The following CRIM1 variants were observed in gnomAD, a reference collection of about 807,000 sequenced individuals.
CRIM1 encodes cysteine rich transmembrane BMP regulator 1, also known as cysteine-rich motor neuron 1 protein.
In CRIM1, 32 loss-of-function variants were observed where a neutral mutation model predicts 116.4. The ratio of observed to expected loss-of-function variants is 0.27; its 90% confidence interval spans 0.21 to 0.37. The LOEUF is 0.37. CRIM1 is among the 10% of genes least tolerant of loss of function. The probability of loss-of-function intolerance (pLI) is 1.00; values close to 1 mark genes in which losing one functional copy is unlikely to be tolerated. For synonymous variants in CRIM1, 590 were observed against 509.2 expected, an observed-to-expected ratio of 1.16 and a Z score of -2.13; for missense variants, 1,331 against 1,354.8, an observed-to-expected ratio of 0.98 and a Z score of 0.28.
At chr2:36,509,519 A>G (rs1381122762) in intron 8 of CRIM1, among the ~76,000 whole-genome samples, 5 of 152,178 alleles carry the variant, frequency 3.3e-5, no homozygotes, top group Non-Finnish European at 5.9e-5. Flanking sequence ...AGAGCGAGAG[A>G]TTCTGTCTCC....
At chr2:36,367,697 G>T (rs1669689850) in intron 1 of CRIM1, among the ~76,000 whole-genome samples, 1 of 152,220 alleles carries the variant, frequency 6.6e-6, no homozygotes, top group African/African-American at 2.4e-5. Context: ...GCTGTAGACA[G>T]AAGGGCTTAG....
intron 1 of CRIM1, among the ~76,000 whole-genome samples, chr2:36,368,819 T>G (rs988087157): frequency 5.3e-5 from 8 of 152,216 alleles, no homozygotes; most frequent in African/African-American, 1.9e-4. Flanking sequence ...CTGTAATACT[T>G]TTTGCTTTTT....
intron 13 of CRIM1, among the ~76,000 whole-genome samples, chr2:36,535,967 G>A (rs1262363438): frequency 1.3e-5 from 2 of 152,200 alleles, no homozygotes; most frequent in Admixed American, 1.3e-4. Context: ...CTTGGCACAT[G>A]AGCGTCTTTG....
intron 2 of CRIM1, among the ~76,000 whole-genome samples, chr2:36,424,851 A>G (rs1300276076): frequency 1.3e-5 from 2 of 152,146 alleles, no homozygotes; most frequent in African/African-American, 4.8e-5. Flanking sequence ...AAATTATCAT[A>G]TGTACCCACC....
chr2:36,471,997 A>G (rs987788481), intron 5 of CRIM1, among the ~76,000 whole-genome samples: 4 of 152,210 alleles, frequency 2.6e-5, no homozygotes, highest in Non-Finnish European at 4.4e-5. Flanking sequence ...AGGCAGTAGC[A>G]TGTACTAATA....
In CRIM1 at chr2:36,524,113, G is replaced by A. The variant is rs534207770; in HGVS notation, c.2428+1800G>A. ...ACGATGCTTTTGAGAGTGAAAAGGG[G>A]GCTGTTAATAATTCTGATGGGACAA... is the stretch of plus-strand genomic sequence containing the variant. On this transcript the variant is annotated intron_variant, in intron 13 of 16. Transcript: ENST00000280527. Among the ~76,000 whole-genome samples the A allele has an allele frequency of 5.9e-5, 9 of 152,246 alleles. No homozygotes were observed. In the East Asian group the frequency reaches 9.6e-4, roughly 16 times the overall value.
intron 7 of CRIM1, among the ~76,000 whole-genome samples, chr2:36,496,896 T>C (rs1460341649): frequency 6.6e-6 from 1 of 152,186 alleles, no homozygotes; most frequent in Non-Finnish European, 1.5e-5. Flanking sequence ...TAATCTAATA[T>C]ATTTTTTAAA....
intron 13 of CRIM1, among the ~76,000 whole-genome samples, chr2:36,527,515 C>G (rs1366163008): frequency 2.0e-5 from 3 of 151,822 alleles, no homozygotes; most frequent in South Asian, 2.1e-4. Context: ...GTATAGTGAT[C>G]TTCTCCATAG....
rs760969263 is a variant in CRIM1 at position 36,379,742 on chromosome 2, C to CTTT, written c.332-16852_332-16850dup. 4.3e-3 allele frequency among the ~76,000 whole-genome samples: 454 copies of CTTT among 106,334 alleles called. 7 individuals carry two copies. Among genetic ancestry groups the CTTT allele is most frequent in the African/African-American group, 0.015 (417 of 27,310 alleles). 69.8% of individuals were successfully genotyped at this position (106,334 alleles called of 152,430 possible). A position where few individuals can be genotyped will look rare whatever the true frequency, so the allele number is the denominator to read the frequency against. On this transcript the variant is annotated intron_variant, in intron 1 of 16. Transcript: ENST00000280527. The stretch of plus-strand genomic sequence containing the variant: ...AGGGATTCTATTTCTTTCTTTCTCT[C>CTTT]TTTTTTTTTTTTTTTTTTTTTTAAA...
chr2:36,394,273 A>C (rs1671843840), intron 1 of CRIM1, among the ~76,000 whole-genome samples: 1 of 152,164 alleles, frequency 6.6e-6, no homozygotes. Context: ...AGTTTTTTTT[A>C]ATTCCTAGGG....
chr2:36,516,427 C>T (rs1480395435), intron 11 of CRIM1, among the ~76,000 whole-genome samples: 1 of 152,174 alleles, frequency 6.6e-6, no homozygotes, highest in Non-Finnish European at 1.5e-5. Context: ...TCTCATTTCC[C>T]CAGCAAAACT....
intron 1 of CRIM1, among the ~76,000 whole-genome samples, chr2:36,373,772 G>A (rs771146819): frequency 6.6e-5 from 10 of 151,754 alleles, no homozygotes; most frequent in Non-Finnish European, 1.0e-4. Context: ...TGTGATGTGT[G>A]CATGTGCATC....
chr2:36,407,670 G>A (rs113597638), intron 2 of CRIM1, among the ~76,000 whole-genome samples: 24 of 145,858 alleles, frequency 1.6e-4, no homozygotes, highest in African/African-American at 5.7e-4. Flanking sequence ...GTCATACAGC[G>A]ACCTTCTGGT....
At chr2:36,368,923 T>G (rs1030989937) in intron 1 of CRIM1, among the ~76,000 whole-genome samples, 5 of 152,238 alleles carry the variant, frequency 3.3e-5, no homozygotes, top group African/African-American at 1.2e-4. Flanking sequence ...TGGCTTGCTC[T>G]TTCTTTCCAT....
chr2:36,381,119 C>A (rs1333278564), intron 1 of CRIM1, among the ~76,000 whole-genome samples: 1 of 152,220 alleles, frequency 6.6e-6, no homozygotes, highest in East Asian at 1.9e-4. Context: ...CCGCCCCTAC[C>A]CCCCACACAG....
At chr2:36,485,428 G>A (rs1397866165) in intron 7 of CRIM1, among the ~76,000 whole-genome samples, 2 of 152,194 alleles carry the variant, frequency 1.3e-5, no homozygotes, top group South Asian at 4.2e-4. Flanking sequence ...ATATATTGTC[G>A]TCTTCTTCAT....
intron 4 of CRIM1, among the ~76,000 whole-genome samples, chr2:36,443,561 G>T (rs1043512361): frequency 2.0e-5 from 3 of 152,088 alleles, no homozygotes; most frequent in African/African-American, 7.2e-5. Flanking sequence ...TTCGTTCTGC[G>T]TTTAATAGGA....
At chr2:36,374,802 C>T (rs1670198057) in intron 1 of CRIM1, among the ~76,000 whole-genome samples, 1 of 152,002 alleles carries the variant, frequency 6.6e-6, no homozygotes, top group African/African-American at 2.4e-5. Flanking sequence ...AGCATCTGAC[C>T]ACTCACTACC....
At chr2:36,410,405 T>G (rs1390670684) in intron 2 of CRIM1, among the ~76,000 whole-genome samples, 2 of 152,202 alleles carry the variant, frequency 1.3e-5, no homozygotes, top group East Asian at 3.9e-4. Flanking sequence ...TCTTAATATA[T>G]CCATTTATTT....
Sources: gnomAD v4.1 joint callset for allele counts (sites outside exome capture counted in the v4.1 genomes callset) on GRCh38, gnomAD v4.1.1 for gene constraint, MANE v1.5 for transcripts, NCBI Gene and HGNC (gene_info 2026-07-23, HGNC 2026-07-21) for gene names.